The following NR2F1-AS1 variants were observed in gnomAD, a reference collection of about 807,000 sequenced individuals.
The protein encoded by NR2F1-AS1 is NR2F1 antisense RNA 1.
At chr5:93,416,797 A>G (rs1301684559) in intron 4 of NR2F1-AS1, among the ~76,000 whole-genome samples, 2 of 152,162 alleles carry the variant, frequency 1.3e-5, no homozygotes, top group Non-Finnish European at 2.9e-5. Context: ...TTTTTTCTTC[A>G]ATCAATAATA....
At chr5:93,492,063 A>T (rs934480334) in intron 4 of NR2F1-AS1, among the ~76,000 whole-genome samples, 2 of 152,186 alleles carry the variant, frequency 1.3e-5, no homozygotes, top group Non-Finnish European at 2.9e-5. Flanking sequence ...AGCCCCACTG[A>T]TTATAAAAAA....
chr5:93,531,786 GA>G (rs1036577635), intron 4 of NR2F1-AS1, among the ~76,000 whole-genome samples: 10 of 152,252 alleles, frequency 6.6e-5, no homozygotes, highest in African/African-American at 2.2e-4. Flanking sequence ...ACAGGAAAGA[GA>G]AAACAAACTA....
intron 4 of NR2F1-AS1, among the ~76,000 whole-genome samples, chr5:93,510,444 CA>C (rs1365497467): frequency 6.6e-6 from 1 of 152,076 alleles, no homozygotes; most frequent in Non-Finnish European, 1.5e-5. Context: ...CCTCCTTGCC[CA>C]TAGAAAAGAC....
At chr5:93,473,114 C>T (rs1750403873) in intron 4 of NR2F1-AS1, among the ~76,000 whole-genome samples, 1 of 151,712 alleles carries the variant, frequency 6.6e-6, no homozygotes, top group Admixed American at 6.6e-5. Flanking sequence ...TGGGCTTTTC[C>T]TTGCTATTAT....
chr5:93,529,305 G>A (rs1412503849), intron 4 of NR2F1-AS1, among the ~76,000 whole-genome samples: 1 of 152,102 alleles, frequency 6.6e-6, no homozygotes, highest in African/African-American at 2.4e-5. Flanking sequence ...AGACTGAAAG[G>A]AGCCAAATGT....
At chr5:93,476,071 G>T (rs1750478506) in intron 4 of NR2F1-AS1, among the ~76,000 whole-genome samples, 1 of 152,206 alleles carries the variant, frequency 6.6e-6, no homozygotes, top group Non-Finnish European at 1.5e-5. Context: ...TCATTTAAGG[G>T]AAAAATGTTG....
chr5:93,480,076 T>A (rs751909598), intron 4 of NR2F1-AS1, among the ~76,000 whole-genome samples: 11 of 151,838 alleles, frequency 7.2e-5, no homozygotes, highest in Non-Finnish European at 1.3e-4. Flanking sequence ...ACATTATGGG[T>A]TACAGAAACA....
chr5:93,580,667 T>C (rs1233374205), exon 1 of NR2F1-AS1: 1 of 153,246 alleles, frequency 6.5e-6, no homozygotes, highest in African/African-American at 2.4e-5. Context: ...GCCTGCTGCC[T>C]CTGCCCTCGA....
At chr5:93,415,744 C>T (rs544982052) in intron 4 of NR2F1-AS1, among the ~76,000 whole-genome samples, 3 of 152,306 alleles carry the variant, frequency 2.0e-5, no homozygotes, top group South Asian at 4.1e-4. Flanking sequence ...ACTGTTCATG[C>T]ATACACTGCA....
At chr5:93,524,695 C>A (rs1236399745) in intron 4 of NR2F1-AS1, among the ~76,000 whole-genome samples, 1 of 152,132 alleles carries the variant, frequency 6.6e-6, no homozygotes, top group Non-Finnish European at 1.5e-5. Flanking sequence ...AGAGTGGGGT[C>A]CAATATGCAA....
At chr5:93,503,410 C>G (rs969121242) in intron 4 of NR2F1-AS1, among the ~76,000 whole-genome samples, 1 of 151,876 alleles carries the variant, frequency 6.6e-6, no homozygotes. Flanking sequence ...AGAGTTTTAG[C>G]GTAAGAGGGA....
intron 4 of NR2F1-AS1, among the ~76,000 whole-genome samples, chr5:93,493,926 C>T (rs1050999483): frequency 6.6e-6 from 1 of 152,088 alleles, no homozygotes; most frequent in African/African-American, 2.4e-5. Context: ...ATCTTCATGA[C>T]TTTAGATTTG....
intron 4 of NR2F1-AS1, among the ~76,000 whole-genome samples, chr5:93,510,846 C>A (rs1244413992): frequency 6.6e-6 from 1 of 152,104 alleles, no homozygotes; most frequent in African/African-American, 2.4e-5. Context: ...GACAGAAATG[C>A]CAAGATTGGA....
intron 4 of NR2F1-AS1, among the ~76,000 whole-genome samples, chr5:93,482,539 C>G (rs759481446): frequency 1.3e-5 from 2 of 152,232 alleles, no homozygotes; most frequent in East Asian, 3.9e-4. Flanking sequence ...GGGCAGACAC[C>G]GAGCTAACTA....
intron 4 of NR2F1-AS1, among the ~76,000 whole-genome samples, chr5:93,535,819 T>C (rs1751826950): frequency 6.6e-6 from 1 of 152,144 alleles, no homozygotes; most frequent in African/African-American, 2.4e-5. Flanking sequence ...ATATTAAATA[T>C]ACAAGACACT....
At chr5:93,580,313 C>T (rs1041158259) in intron 1 of NR2F1-AS1, among the ~76,000 whole-genome samples, 1 of 152,278 alleles carries the variant, frequency 6.6e-6, no homozygotes, top group Admixed American at 6.5e-5. Context: ...AGGGCAACTC[C>T]CGAGCAGGCC....
intron 2 of NR2F1-AS1, among the ~76,000 whole-genome samples, chr5:93,556,832 A>T (rs896120891): frequency 6.6e-6 from 1 of 152,222 alleles, no homozygotes; most frequent in African/African-American, 2.4e-5. Context: ...GAACTGAGAG[A>T]CAATAGATTT....
chr5:93,569,663 T>C (rs146855091), intron 1 of NR2F1-AS1, among the ~76,000 whole-genome samples: 1,913 of 152,320 alleles, frequency 0.013, 19 homozygotes, highest in Non-Finnish European at 0.021. Context: ...AGGAAGGCAC[T>C]ATAAAAGTTT....
chr5:93,570,409 AGG>A (rs1208552053), intron 1 of NR2F1-AS1: 2 of 152,392 alleles, frequency 1.3e-5, no homozygotes, highest in African/African-American at 4.8e-5. Context: ...GCGGCGGGGG[AGG>A]AAAGAGGCTA....
Sources: allele counts gnomAD v4.1 joint callset (sites outside exome capture counted in the v4.1 genomes callset), GRCh38; gene constraint gnomAD v4.1.1; transcripts MANE v1.5; gene names NCBI Gene and HGNC (gene_info 2026-07-23, HGNC 2026-07-21).